Variants in CHST9 observed in about 807,000 individuals in gnomAD.
CHST9 encodes the protein GalNAc-4-sulfotransferase 2.
CHST9 carries 41 observed loss-of-function variants against 44.4 expected under a neutral mutation model. That is an observed-to-expected ratio of 0.92 (90% confidence interval 0.72 to 1.20). The LOEUF (loss-of-function observed/expected upper bound fraction) is 1.20, where lower values mean the gene tolerates loss of function less well. Among genes scored for constraint, CHST9 ranks in the 50% most tolerant of loss-of-function variants. CHST9 has a pLI of 0.00. For missense variants in CHST9, 504 were observed against 516.5 expected, an observed-to-expected ratio of 0.98 and a Z score of 0.23; for synonymous variants, 171 against 178.4, an observed-to-expected ratio of 0.96 and a Z score of 0.33.
chr18:26,988,101 TA>T (rs908007304), intron 4 of CHST9, among the ~76,000 whole-genome samples: 13 of 151,514 alleles, frequency 8.6e-5, no homozygotes, highest in African/African-American at 3.2e-4. Flanking sequence ...ATTGAATAAT[TA>T]AAAAATCGAT....
intron 2 of CHST9, among the ~76,000 whole-genome samples, chr18:27,049,865 G>A (rs991283372): frequency 2.0e-5 from 3 of 152,156 alleles, no homozygotes; most frequent in African/African-American, 7.2e-5. Context: ...AAGGCAGACA[G>A]CACAGAGGAG....
intron 5 of CHST9, chr18:26,935,743 A>AATTC (rs776719241): frequency 1.1e-4 from 17 of 152,328 alleles, no homozygotes; most frequent in Non-Finnish European, 2.2e-4. Context: ...CACAGAATAT[A>AATTC]ACATAACACT....
At chr18:27,177,407 GCTGGACCTATAGGTCAC>G (rs1474247995) in intron 1 of CHST9, among the ~76,000 whole-genome samples, 1 of 151,230 alleles carries the variant, frequency 6.6e-6, no homozygotes, top group Non-Finnish European at 1.5e-5. Context: ...CTTAAAGTAA[GCTGGACCTATAGGTCAC>G]CACTTTAATT....
chr18:26,964,191 T>A (rs2056436059), intron 4 of CHST9, among the ~76,000 whole-genome samples: 2 of 152,190 alleles, frequency 1.3e-5, no homozygotes, highest in African/African-American at 4.8e-5. Flanking sequence ...TCCATATAAT[T>A]TCCTTTATTT....
At chr18:27,046,420 A>G (rs1301043086) in intron 3 of CHST9, among the ~76,000 whole-genome samples, 2 of 152,044 alleles carry the variant, frequency 1.3e-5, no homozygotes, top group Admixed American at 1.3e-4. Context: ...GGGTAGATTG[A>G]AATGGTCCAG....
intron 4 of CHST9, among the ~76,000 whole-genome samples, chr18:27,015,361 A>C (rs912194280): frequency 4.2e-5 from 4 of 95,494 alleles, no homozygotes; most frequent in African/African-American, 1.6e-4. Flanking sequence ...GTGTGTGTGC[A>C]GGCACTACGC....
intron 2 of CHST9, among the ~76,000 whole-genome samples, chr18:27,088,383 T>C (rs2143704310): frequency 6.6e-6 from 1 of 151,046 alleles, no homozygotes; most frequent in Non-Finnish European, 1.5e-5. Context: ...TTTCCAATTA[T>C]TAACACTTTT....
intron 1 of CHST9, among the ~76,000 whole-genome samples, chr18:27,158,942 T>A (rs1353956416): frequency 1.3e-5 from 2 of 152,280 alleles, no homozygotes; most frequent in African/African-American, 4.8e-5. Context: ...CTTCGCCCAC[T>A]TTTTGATGGG....
At chr18:27,051,524 G>A (rs900873668) in intron 2 of CHST9, among the ~76,000 whole-genome samples, 22 of 152,170 alleles carry the variant, frequency 1.4e-4, no homozygotes, top group African/African-American at 5.3e-4. Context: ...GCAGGCCTAT[G>A]GAGAGGTCCA....
chr18:27,181,720 G>T (rs1320750030), intron 1 of CHST9, among the ~76,000 whole-genome samples: 1 of 152,178 alleles, frequency 6.6e-6, no homozygotes, highest in South Asian at 2.1e-4. Flanking sequence ...TGTAAAGTGG[G>T]ATTGAATTTC....
At chr18:27,115,346 A>G (rs527794532) in intron 2 of CHST9, among the ~76,000 whole-genome samples, 1 of 152,286 alleles carries the variant, frequency 6.6e-6, no homozygotes, top group East Asian at 1.9e-4. Context: ...TTCTGTGGGC[A>G]TATATTTTCA....
rs2055487270 is a variant in CHST9 at position 26,914,655 on chromosome 18, C to T, written c.*1604G>A. On this transcript the variant is annotated 3_prime_UTR_variant, in exon 6 of 6. Coordinates refer to ENST00000618847, the MANE Select transcript of CHST9 (RefSeq NM_031422.6). ...TGCAGTTTACTTACTCCTTAGGAGA[C>T]ACAGATGGGACACGGCAGGTGTGTG... 1 of 332,060 alleles carries T rather than the reference C, an allele frequency of 3.0e-6. No homozygotes were observed. The highest frequency in any genetic ancestry group is 2.1e-5 in the African/African-American group (1 of 47,258). 20.6% of individuals were successfully genotyped at this position (332,060 alleles called of 1,614,324 possible).
chr18:27,166,618 A>G (rs1323237290), intron 1 of CHST9, among the ~76,000 whole-genome samples: 1 of 152,218 alleles, frequency 6.6e-6, no homozygotes, highest in Non-Finnish European at 1.5e-5. Context: ...TGGGTAGATG[A>G]TCTATCTCTA....
intron 4 of CHST9, among the ~76,000 whole-genome samples, chr18:26,946,957 C>G (rs760285179): frequency 2.6e-5 from 4 of 152,132 alleles, no homozygotes; most frequent in Non-Finnish European, 4.4e-5. Flanking sequence ...GGTATGATGC[C>G]TCCAGCTTTG....
intron 3 of CHST9, among the ~76,000 whole-genome samples, chr18:27,029,701 G>T (rs2057320544): frequency 6.6e-6 from 1 of 152,138 alleles, no homozygotes; most frequent in Non-Finnish European, 1.5e-5. Context: ...TATGTTCATA[G>T]TTGTGATATG....
chr18:26,952,485 T>C, intron 4 of CHST9: 1 of 451,660 alleles, frequency 2.2e-6, no homozygotes. Context: ...CTCTGACAAT[T>C]GGTATAAACC....
intron 3 of CHST9, among the ~76,000 whole-genome samples, chr18:27,042,516 ATAT>A (rs1388396523): frequency 1.3e-5 from 2 of 152,050 alleles, no homozygotes; most frequent in African/African-American, 4.8e-5. Flanking sequence ...AGCTTTCCAG[ATAT>A]TATAAGCTGG....
chr18:26,958,508 A>G (rs531551990), intron 4 of CHST9, among the ~76,000 whole-genome samples: 1 of 152,262 alleles, frequency 6.6e-6, no homozygotes, highest in East Asian at 1.9e-4. Context: ...TAGTTAAACT[A>G]AAGAGCTTCA....
Position 26,996,397 on chromosome 18 carries a change from A to T in CHST9, c.202+27719T>A, listed in dbSNP as rs377626902. 1.6e-4 allele frequency among the ~76,000 whole-genome samples: 25 copies of T among 152,156 alleles called. No homozygotes were observed. The East Asian group carries it at 3.7e-3, about 22-fold the overall frequency. ...GGAGGTGTTTGGGTCATGGGAGCGGATCCCTCATGAATGGCTCGGTGCTGT... is the reference window on the plus strand; with the variant it reads ...GGAGGTGTTTGGGTCATGGGAGCGGTTCCCTCATGAATGGCTCGGTGCTGT... On this transcript the variant is annotated intron_variant, in intron 4 of 5. Transcript: ENST00000618847.
Sources: gnomAD v4.1 joint callset for allele counts (sites outside exome capture counted in the v4.1 genomes callset) on GRCh38, gnomAD v4.1.1 for gene constraint, MANE v1.5 for transcripts, NCBI Gene and HGNC (gene_info 2026-07-23, HGNC 2026-07-21) for gene names.